SLIT2: variants seen among roughly 807,000 people sequenced by gnomAD.
SLIT2 encodes the protein slit homolog 2 protein.
In SLIT2, 41 loss-of-function variants were observed where a neutral mutation model predicts 185.7. That is an observed-to-expected ratio of 0.22 (90% confidence interval 0.17 to 0.29). The LOEUF is 0.29. Ranked by LOEUF, SLIT2 falls within the 10% of genes least tolerant of loss-of-function variation. The pLI, the probability that SLIT2 is intolerant of heterozygous loss-of-function variation, is 1.00. For missense variants in SLIT2, 1,571 were observed against 1,909.0 expected (o/e 0.82, Z 3.30); for synonymous variants, 693 against 680.2 (o/e 1.02, Z -0.29).
chr4:20,339,918 AT>A (rs1328886682), intron 4 of SLIT2, among the ~76,000 whole-genome samples: 1 of 152,192 alleles, frequency 6.6e-6, no homozygotes, highest in African/African-American at 2.4e-5. Flanking sequence ...TACCTGACAC[AT>A]TGTCAAATTA....
At chr4:20,540,632 G>A (rs1464011223) in intron 19 of SLIT2, among the ~76,000 whole-genome samples, 1 of 152,098 alleles carries the variant, frequency 6.6e-6, no homozygotes, top group Non-Finnish European at 1.5e-5. Flanking sequence ...AGATTTCTCA[G>A]TAACGGTGGC....
chr4:20,548,461 T>C (rs1347294164), intron 22 of SLIT2, 27 bp from the exon 23 acceptor site: 1 of 1,161,850 alleles, frequency 8.6e-7, no homozygotes, highest in African/African-American at 1.5e-5. Context: ...TGGTTAATAG[T>C]GTACTCCATT....
At chr4:20,258,034 G>T in intron 3 of SLIT2, 95 bp downstream of exon 3, 1 of 630,902 alleles carries the variant, frequency 1.6e-6, no homozygotes, top group Non-Finnish European at 2.8e-6. Flanking sequence ...CATGTCTTAG[G>T]GTTTGAAATT....
chr4:20,492,512 C>T lies in SLIT2; in HGVS notation c.914+613C>T, dbSNP rs546615215. On this transcript the variant is annotated intron_variant, in intron 9 of 36. Coordinates refer to ENST00000504154, the MANE Select transcript of SLIT2 (RefSeq NM_004787.4). The stretch of plus-strand genomic sequence containing the variant: ...GCAGCTGCTGAATGCATTTCTATGT[C>T]CTCACCAAATATAAGTCATGTGGAT... 2.0e-5 allele frequency among the ~76,000 whole-genome samples: 3 copies of T among 152,232 alleles called. No individual in the cohort carries two copies. In the South Asian group the frequency reaches 6.2e-4, roughly 32 times the overall value.
chr4:20,361,569 AG>A (rs1260294895), intron 4 of SLIT2, among the ~76,000 whole-genome samples: 1 of 152,154 alleles, frequency 6.6e-6, no homozygotes, highest in African/African-American at 2.4e-5. Context: ...TTCAATTAAA[AG>A]TAATGGCAAA....
chr4:20,532,659 A>G (rs1247284407), intron 17 of SLIT2, among the ~76,000 whole-genome samples: 1 of 152,196 alleles, frequency 6.6e-6, no homozygotes, highest in African/African-American at 2.4e-5. Flanking sequence ...ACATGCAGAA[A>G]CATCAGCATC....
chr4:20,574,156 G>A (rs1314459393), intron 29 of SLIT2, among the ~76,000 whole-genome samples: 2 of 151,608 alleles, frequency 1.3e-5, no homozygotes, highest in African/African-American at 4.8e-5. Context: ...GGATTTCACT[G>A]TGTTAGCCAG....
rs1721076503 is a variant in SLIT2 at position 20,342,841 on chromosome 4, C to G, written c.395+73960C>G. 3.4e-5 allele frequency among the ~76,000 whole-genome samples: 5 copies of G among 146,042 alleles called. No individual in the cohort carries two copies. In the South Asian group the frequency reaches 1.1e-3, roughly 32 times the overall value. ...GTGGATAGTGGTACATGATTAGAAG[C>G]CTAAATGTGTAAGTCAGGAAACTAA... On this transcript the variant is annotated intron_variant, in intron 4 of 36. Transcript: ENST00000504154.
intron 18 of SLIT2, among the ~76,000 whole-genome samples, chr4:20,535,954 A>G (rs1291977102): frequency 6.6e-6 from 1 of 152,190 alleles, no homozygotes; most frequent in Non-Finnish European, 1.5e-5. Flanking sequence ...GATATGGCCT[A>G]CCACATACCT....
Position 20,619,021 on chromosome 4 carries a change from G to C in SLIT2, c.*12G>C. ...GGTGTGTGTCCTAAACACACTCCCGGCAGCTCTGTCTTTGGAAAAGGTTGT... is the reference window on the plus strand; with the variant it reads ...GGTGTGTGTCCTAAACACACTCCCGCCAGCTCTGTCTTTGGAAAAGGTTGT... On this transcript the variant is annotated 3_prime_UTR_variant, in exon 37 of 37. Transcript: ENST00000504154. The C allele has an allele frequency of 6.2e-7, 1 of 1,604,126 alleles. No individual in the cohort carries two copies. The highest frequency in any genetic ancestry group is 8.5e-7 in the Non-Finnish European group (1 of 1,171,492).
chr4:20,289,532 A>G (rs1238537007), intron 4 of SLIT2, among the ~76,000 whole-genome samples: 1 of 152,196 alleles, frequency 6.6e-6, no homozygotes, highest in Admixed American at 6.6e-5. Flanking sequence ...AAACCCATGA[A>G]GGTGTGTTTT....
At chr4:20,340,599 A>G (rs1019390874) in intron 4 of SLIT2, among the ~76,000 whole-genome samples, 1 of 152,048 alleles carries the variant, frequency 6.6e-6, no homozygotes, top group African/African-American at 2.4e-5. Context: ...AATATTTTTT[A>G]TAATAAATAT....
In SLIT2 at chr4:20,358,320, G is replaced by A. The variant is rs1722490243; in HGVS notation, c.395+89439G>A. Among the ~76,000 whole-genome samples, 6 of 152,108 alleles carry A rather than the reference G, an allele frequency of 3.9e-5. 1 individual carries two copies. In the South Asian group the frequency reaches 1.2e-3, roughly 32 times the overall value. The stretch of plus-strand genomic sequence containing the variant: ...GGGAGCAAAGCAAAAGAATAAAGCA[G>A]ATACATATTTCTGCATGTCGATGCA... On this transcript the variant is annotated intron_variant, in intron 4 of 36. Transcript: ENST00000504154.
At chr4:20,273,996 C>T (rs906286501) in intron 4 of SLIT2, among the ~76,000 whole-genome samples, 1 of 152,192 alleles carries the variant, frequency 6.6e-6, no homozygotes, top group Non-Finnish European at 1.5e-5. Context: ...CATCATTACT[C>T]ATCTAGCGCG....
chr4:20,359,205 C>T (rs558811206), intron 4 of SLIT2, among the ~76,000 whole-genome samples: 632 of 152,058 alleles, frequency 4.2e-3, no homozygotes, highest in Non-Finnish European at 6.4e-3. Context: ...ACTAAAGAGG[C>T]GACTTTTGAA....
At chr4:20,524,262 T>G in intron 14 of SLIT2, 85 bp downstream of exon 14, 1 of 1,170,348 alleles carries the variant, frequency 8.5e-7, no homozygotes, top group East Asian at 2.3e-5. Context: ...TTCGGCTGAT[T>G]AGTGAACACT....
intron 4 of SLIT2, among the ~76,000 whole-genome samples, chr4:20,376,172 A>G (rs1031266926): frequency 7.0e-6 from 1 of 143,882 alleles, no homozygotes; most frequent in African/African-American, 2.6e-5. Flanking sequence ...GCTTCTTACA[A>G]GACACCTGGA....
At chr4:20,548,873 A>C (rs1253657946) in intron 23 of SLIT2, among the ~76,000 whole-genome samples, 184 bp from the exon 24 acceptor site, 7 of 152,170 alleles carry the variant, frequency 4.6e-5, no homozygotes, top group African/African-American at 1.7e-4. Context: ...GAAGCATTCT[A>C]GGTTGTATTT....
chr4:20,312,412 A>C (rs10805216), intron 4 of SLIT2, among the ~76,000 whole-genome samples: 36,261 of 152,134 alleles, frequency 0.24, 5,249 homozygotes, highest in East Asian at 0.6. Flanking sequence ...AAAACATTTT[A>C]ATGAATAATT....
Sources: gnomAD v4.1 joint callset for allele counts (sites outside exome capture counted in the v4.1 genomes callset) on GRCh38, gnomAD v4.1.1 for gene constraint, MANE v1.5 for transcripts, NCBI Gene and HGNC (gene_info 2026-07-23, HGNC 2026-07-21) for gene names.